Variants in TBC1D22A observed in about 807,000 individuals in gnomAD.
TBC1D22A encodes putative GTPase activator.
A neutral mutation model predicts 60.2 loss-of-function variants in TBC1D22A; 38 were observed. That is an observed-to-expected ratio of 0.63 (90% CI 0.49 to 0.83). TBC1D22A has a LOEUF of 0.83. Ranked by LOEUF, TBC1D22A falls within the 40% of genes least tolerant of loss-of-function variation. The pLI is 0.00. For synonymous variants in TBC1D22A, 302 were observed against 281.7 expected, an observed-to-expected ratio of 1.07 and a Z score of -0.72; for missense variants, 628 against 701.0, an observed-to-expected ratio of 0.90 and a Z score of 1.18.
At chr22:47,008,996 C>A (rs568374489) in intron 10 of TBC1D22A, among the ~76,000 whole-genome samples, 1 of 152,164 alleles carries the variant, frequency 6.6e-6, no homozygotes, top group Non-Finnish European at 1.5e-5. Context: ...AAATAATTCT[C>A]GAACATTTCT....
At chr22:47,144,388 AGAT>A (rs2067215933) in intron 12 of TBC1D22A, among the ~76,000 whole-genome samples, 1 of 152,196 alleles carries the variant, frequency 6.6e-6, no homozygotes, top group Non-Finnish European at 1.5e-5. Context: ...TACAGCATAA[AGAT>A]GAAGAAGTGA....
chr22:46,928,779 A>T (rs183765987), intron 8 of TBC1D22A, among the ~76,000 whole-genome samples: 10 of 152,374 alleles, frequency 6.6e-5, no homozygotes, highest in Non-Finnish European at 1.5e-4. Flanking sequence ...CAGAGAAAAT[A>T]TACAAATGAG....
rs143629857 is a variant in TBC1D22A, at chr22:47,074,203, G to A, written c.1329+37005G>A. ...GCAATGAAGCAATGATGTGGACGAT[G>A]CGTGTCCTAATCCGGAGCGCCTCCC... On this transcript the variant is annotated intron_variant, in intron 11 of 12. Coordinates refer to ENST00000337137, the MANE Select transcript of TBC1D22A (RefSeq NM_014346.5). Among the ~76,000 whole-genome samples the A allele has an allele frequency of 4.1e-4, 62 of 152,352 alleles. No individual in the cohort carries two copies. In the East Asian group the frequency reaches 0.01, roughly 25 times the overall value.
chr22:47,171,185 C>T (rs752427817), intron 12 of TBC1D22A, among the ~76,000 whole-genome samples: 3 of 152,206 alleles, frequency 2.0e-5, no homozygotes, highest in African/African-American at 7.2e-5. Context: ...GACAGGAAGA[C>T]AGGATGTGAA....
chr22:47,121,648 G>T (rs151120677), intron 12 of TBC1D22A, among the ~76,000 whole-genome samples: 3 of 151,868 alleles, frequency 2.0e-5, no homozygotes, highest in Non-Finnish European at 4.4e-5. Context: ...AACAAACCAC[G>T]GTGCTAGCCT....
chr22:46,878,890 A>C (rs1399981931), intron 5 of TBC1D22A, among the ~76,000 whole-genome samples, 167 bp downstream of exon 5: 3 of 152,192 alleles, frequency 2.0e-5, no homozygotes, highest in African/African-American at 7.2e-5. Context: ...TTCTTTGCTT[A>C]ATTTTAAGCT....
intron 1 of TBC1D22A, among the ~76,000 whole-genome samples, chr22:46,766,493 C>T (rs1323380868): frequency 6.6e-6 from 1 of 152,058 alleles, no homozygotes; most frequent in African/African-American, 2.4e-5. Flanking sequence ...AAGACTACAC[C>T]CACTGTACAA....
intron 10 of TBC1D22A, among the ~76,000 whole-genome samples, chr22:47,007,391 A>G (rs527565845): frequency 6.6e-6 from 1 of 152,324 alleles, no homozygotes; most frequent in East Asian, 1.9e-4. Flanking sequence ...AGTGACTGAT[A>G]AGTGTCACAG....
At chr22:47,021,871 G>A (rs1052237522) in intron 10 of TBC1D22A, among the ~76,000 whole-genome samples, 3 of 152,212 alleles carry the variant, frequency 2.0e-5, no homozygotes, top group Non-Finnish European at 2.9e-5. Flanking sequence ...CAGCTCTGAC[G>A]TTCCTGGGTC....
At chr22:46,982,226 C>CTT (rs750713030) in intron 9 of TBC1D22A, among the ~76,000 whole-genome samples, 18 of 138,638 alleles carry the variant, frequency 1.3e-4, no homozygotes, top group Admixed American at 2.2e-4. Flanking sequence ...AAGAGACAGT[C>CTT]TTTTTTTTTT....
At chr22:47,150,550 C>T (rs889785277) in intron 12 of TBC1D22A, among the ~76,000 whole-genome samples, 7 of 152,288 alleles carry the variant, frequency 4.6e-5, no homozygotes, top group African/African-American at 9.6e-5. Context: ...CCCTGTGCCA[C>T]GGTACTTCTG....
At chr22:47,161,665 C>T (rs566321632) in intron 12 of TBC1D22A, among the ~76,000 whole-genome samples, 2 of 152,334 alleles carry the variant, frequency 1.3e-5, no homozygotes, top group South Asian at 2.1e-4. Flanking sequence ...CTGAGTGTCT[C>T]GTCTTGGGTG....
chr22:47,050,598 G>C (rs537122870), intron 11 of TBC1D22A, among the ~76,000 whole-genome samples: 32 of 152,318 alleles, frequency 2.1e-4, no homozygotes, highest in Admixed American at 1.9e-3. Context: ...CTCTCCAGGC[G>C]CCGCTTGGGC....
intron 11 of TBC1D22A, among the ~76,000 whole-genome samples, chr22:47,045,169 C>A (rs1304324791): frequency 6.6e-6 from 1 of 152,182 alleles, no homozygotes; most frequent in Non-Finnish European, 1.5e-5. Flanking sequence ...TAGATAAGAC[C>A]TTTGTTCTTT....
At position 46,990,015 on chromosome 22, in the gene TBC1D22A, A is replaced by G. The variant is rs560800230; in HGVS notation, c.1126-7619A>G. ...GATGGGGTTTTGCCATGTTTTCCAG[A>G]CTGGTCTTGAACTCCTGGGCTCAAG... On this transcript the variant is annotated intron_variant, in intron 9 of 12. Coordinates refer to ENST00000337137, the MANE Select transcript of TBC1D22A (RefSeq NM_014346.5). This position sits in a 1 kb window ranked among gnomAD's most constrained non-coding sequence, Gnocchi z 4.6. 6.6e-6 allele frequency among the ~76,000 whole-genome samples: 1 copy of G among 152,166 alleles called. No individual in the cohort carries two copies. The highest frequency in any genetic ancestry group is 1.9e-4 in the East Asian group (1 of 5,178).
At chr22:47,152,249 C>A (rs933026968) in intron 12 of TBC1D22A, among the ~76,000 whole-genome samples, 2 of 152,236 alleles carry the variant, frequency 1.3e-5, no homozygotes, top group Non-Finnish European at 2.9e-5. Context: ...CTCAGTCATG[C>A]GTTCAAAACA....
intron 4 of TBC1D22A, among the ~76,000 whole-genome samples, chr22:46,809,453 G>A (rs1240092382): frequency 6.6e-6 from 1 of 152,160 alleles, no homozygotes; most frequent in Non-Finnish European, 1.5e-5. Context: ...ACGAATTTGA[G>A]GATACAGTTC....
intron 11 of TBC1D22A, among the ~76,000 whole-genome samples, chr22:47,080,580 T>C (rs552661131): frequency 1.3e-5 from 2 of 151,808 alleles, no homozygotes; most frequent in Non-Finnish European, 2.9e-5. Flanking sequence ...ATTTGTGGGT[T>C]ATAGCTAAAG....
chr22:46,806,724 G>C (rs575795718), intron 4 of TBC1D22A, among the ~76,000 whole-genome samples: 1 of 152,184 alleles, frequency 6.6e-6, no homozygotes, highest in Non-Finnish European at 1.5e-5. Flanking sequence ...AGGGGCTCTG[G>C]GTATGATGGT....
Sources: allele counts gnomAD v4.1 joint callset (sites outside exome capture counted in the v4.1 genomes callset), GRCh38; gene constraint gnomAD v4.1.1; non-coding constraint Gnocchi (gnomAD v3.1); transcripts MANE v1.5; gene names NCBI Gene and HGNC (gene_info 2026-07-23, HGNC 2026-07-21).